The following TTC13 variants were observed in gnomAD, a reference collection of about 807,000 sequenced individuals.
TTC13 encodes the protein tetratricopeptide repeat domain 13.
Under a neutral mutation model 120.0 loss-of-function variants are expected in TTC13, and 62 were observed. The ratio of observed to expected loss-of-function variants is 0.52; its 90% CI spans 0.42 to 0.64. The LOEUF (loss-of-function observed/expected upper bound fraction) is 0.64. Among genes scored for constraint, TTC13 ranks in the 30% least tolerant of loss-of-function variants. The pLI, the probability that TTC13 is intolerant of heterozygous loss-of-function variation, is 0.00. For synonymous variants in TTC13, 384 were observed against 393.5 expected, an observed-to-expected ratio of 0.98 and a Z score of 0.28; for missense variants, 824 against 1,050.2, an observed-to-expected ratio of 0.78 and a Z score of 2.98.
intron 1 of TTC13, among the ~76,000 whole-genome samples, chr1:230,975,268 G>A (rs1291374779): frequency 2.6e-5 from 4 of 151,870 alleles, no homozygotes; most frequent in Non-Finnish European, 5.9e-5. Context: ...TAGCTACTTG[G>A]GAAGCTGAGG....
At chr1:230,907,465 G>A (rs1469562181) in intron 22 of TTC13, among the ~76,000 whole-genome samples, 7 of 152,212 alleles carry the variant, frequency 4.6e-5, no homozygotes, top group African/African-American at 1.2e-4. Context: ...GCTGTAAAGC[G>A]TTAACTGCAG....
chr1:230,961,809 T>C (rs554867965), intron 1 of TTC13, among the ~76,000 whole-genome samples: 103 of 152,232 alleles, frequency 6.8e-4, no homozygotes, highest in Non-Finnish European at 1.2e-4. Flanking sequence ...GGAACTAATA[T>C]TGTTGTTGAG....
At position 230,945,373 on chromosome 1, in the gene TTC13, A is replaced by C; in HGVS notation, c.579+16T>G. On this transcript the variant is annotated intron_variant, in intron 5 of 22. Transcript: ENST00000366661. Reference sequence around the variant, plus strand: ...TCATGTAGGCGCTATGGCAATCGTAACTATTACATACTCACATGTAGTCCC... The same window carrying C: ...TCATGTAGGCGCTATGGCAATCGTACCTATTACATACTCACATGTAGTCCC... 6.2e-7 allele frequency: 1 copy of C among 1,612,272 alleles called. No homozygotes were observed. Among genetic ancestry groups the C allele is most frequent in the Non-Finnish European group, 8.5e-7 (1 of 1,178,288 alleles).
intron 4 of TTC13, among the ~76,000 whole-genome samples, chr1:230,948,373 C>T (rs1675208166): frequency 7.9e-6 from 1 of 125,954 alleles, no homozygotes; most frequent in Non-Finnish European, 1.6e-5. Flanking sequence ...AATTTCAGGA[C>T]CCACTAAAGG....
At chr1:230,929,161 C>T (rs1673309733) in intron 11 of TTC13, 68 bp from the exon 12 acceptor site, 1 of 1,465,952 alleles carries the variant, frequency 6.8e-7, no homozygotes, top group Non-Finnish European at 9.3e-7. Context: ...GGCTAGCTGC[C>T]ATACAAATAC....
chr1:230,906,611 AT>A lies in TTC13; in HGVS notation c.*293del. 26 of 180,542 alleles carry A rather than the reference AT, an allele frequency of 1.4e-4. No homozygotes were observed. The highest frequency in any genetic ancestry group is 2.4e-4 in the Non-Finnish European group (21 of 86,838). 11.2% of individuals were successfully genotyped at this position (180,542 alleles called of 1,614,324 possible). On this transcript the variant is annotated 3_prime_UTR_variant, in exon 23 of 23. Coordinates refer to ENST00000366661, the MANE Select transcript of TTC13 (RefSeq NM_024525.5). Reference sequence around the variant, plus strand: ...TATTATATTTTAGTTGTTGAGGAAAATTTTTTTTACTGTAAGGAAGGAGTTA... The same window carrying A: ...TATTATATTTTAGTTGTTGAGGAAAATTTTTTTACTGTAAGGAAGGAGTTA...
rs1297981711 is a variant in TTC13 at position 230,940,196 on chromosome 1, T to C, written c.789+244A>G. On this transcript the variant is annotated intron_variant, in intron 7 of 22. Coordinates refer to ENST00000366661, the MANE Select transcript of TTC13 (RefSeq NM_024525.5). This position sits in a 1 kb window ranked among gnomAD's most constrained non-coding sequence, Gnocchi z 4.1. ...CACAAACTAAATTTATCTTTCTCTCTCTTTTTTTAAATGCCAGTCCAGAAT... is the reference window on the plus strand; with the variant it reads ...CACAAACTAAATTTATCTTTCTCTCCCTTTTTTTAAATGCCAGTCCAGAAT... 2.0e-5 allele frequency among the ~76,000 whole-genome samples: 3 copies of C among 152,226 alleles called. No individual in the cohort carries two copies. The highest frequency in any genetic ancestry group is 4.4e-5 in the Non-Finnish European group (3 of 68,030).
At chr1:230,956,991 C>T (rs921569454) in intron 3 of TTC13, among the ~76,000 whole-genome samples, 20 of 152,104 alleles carry the variant, frequency 1.3e-4, no homozygotes, top group Admixed American at 2.6e-4. Context: ...CTACACTACC[C>T]CAGGGTCTAC....
chr1:230,939,564 T>G (rs760906298), intron 7 of TTC13, 68 bp from the exon 8 acceptor site: 126 of 1,133,542 alleles, frequency 1.1e-4, no homozygotes, highest in Middle Eastern at 8.3e-4. Flanking sequence ...TTCCTAATTT[T>G]TGGCTGGTAG....
At chr1:230,961,347 T>G in intron 1 of TTC13, 44 bp from the exon 2 acceptor site, 1 of 1,357,596 alleles carries the variant, frequency 7.4e-7, no homozygotes, top group African/African-American at 1.4e-5. Context: ...CCTTAATTTA[T>G]GCTCTTAGGT....
intron 13 of TTC13, 146 bp downstream of exon 13, chr1:230,925,371 G>T: frequency 1.0e-6 from 1 of 991,958 alleles, no homozygotes; most frequent in Non-Finnish European, 1.5e-6. Context: ...AATTCAGTTT[G>T]AATGATTCTA....
Position 230,906,998 on chromosome 1 carries a change from A to G in TTC13, c.2490T>C (p.Thr830=). The G allele has an allele frequency of 6.6e-7, 1 of 1,526,332 alleles. No individual in the cohort carries two copies. The highest frequency in any genetic ancestry group is 8.7e-7 in the Non-Finnish European group (1 of 1,143,612). 94.5% of individuals were successfully genotyped at this position (1,526,332 alleles called of 1,614,324 possible). A position where few individuals can be genotyped will look rare whatever the true frequency, so the allele number is the denominator to read the frequency against. Residue 830 remains threonine, a synonymous_variant, in exon 23 of 23, where the codon ACT becomes ACC. Transcript: ENST00000366661. ...GAAACGTTTCTGATACTGATGGAAGAGTCTTATAAGAAGGTGAAATACTGA... is the reference window on the plus strand; with the variant it reads ...GAAACGTTTCTGATACTGATGGAAGGGTCTTATAAGAAGGTGAAATACTGA... The part of the protein sequence containing the change: ...NLKSISPSYK[T]LPSVSETFPT...
chr1:230,955,874 T>C lies in TTC13; in HGVS notation c.443-1471A>G, dbSNP rs557282355. Among the ~76,000 whole-genome samples the C allele has an allele frequency of 2.0e-4, 30 of 152,252 alleles. No individual in the cohort carries two copies. In the East Asian group the frequency reaches 3.9e-3, roughly 20 times the overall value. On this transcript the variant is annotated intron_variant, in intron 3 of 22. Coordinates refer to ENST00000366661, the MANE Select transcript of TTC13 (RefSeq NM_024525.5). ...GAAAGATAAATTAAGCCCAAATTCATGCTCAGAATGCTGACAATAGATACC... is the reference window on the plus strand; with the variant it reads ...GAAAGATAAATTAAGCCCAAATTCACGCTCAGAATGCTGACAATAGATACC...
Position 230,933,862 on chromosome 1 carries a change from C to T in TTC13, c.901-1G>A. The T allele has an allele frequency of 6.3e-7, 1 of 1,579,518 alleles. No individual in the cohort carries two copies. The highest frequency in any genetic ancestry group is 8.6e-7 in the Non-Finnish European group (1 of 1,162,288). The stretch of plus-strand genomic sequence containing the variant: ...CTTCTTTGAAGGATTCAATAGCTTC[C>T]TATAAAAAGTGTAGAGAAAATTATT... On this transcript the variant is annotated splice_acceptor_variant, in intron 8 of 22. Coordinates refer to ENST00000366661, the MANE Select transcript of TTC13 (RefSeq NM_024525.5). LOFTEE classifies it high-confidence loss of function.
chr1:230,916,261 T>G lies in TTC13; in HGVS notation c.2025A>C (p.Thr675=). 1.9e-6 allele frequency: 3 copies of G among 1,614,222 alleles called. No individual in the cohort carries two copies. The highest frequency in any genetic ancestry group is 1.7e-6 in the Non-Finnish European group (2 of 1,180,026). Residue 675 remains threonine, a synonymous_variant, in exon 18 of 23, where the codon ACA becomes ACC. Coordinates refer to ENST00000366661, the MANE Select transcript of TTC13 (RefSeq NM_024525.5). ...TKTKDGFTVN[T]KVPSLKDQGK... ...CTTGGTCTTTAAGGCTGGGAACTTT[T>G]GTGTTCACGGTGAACCCATCCTTCG...
At chr1:230,909,133 C>T in intron 20 of TTC13, 113 bp from the exon 21 acceptor site, 1 of 826,840 alleles carries the variant, frequency 1.2e-6, no homozygotes, top group Admixed American at 2.6e-5. Flanking sequence ...AAAATTCTTT[C>T]AAATAAAACA....
chr1:230,969,642 T>G (rs1404134686), intron 1 of TTC13, among the ~76,000 whole-genome samples: 1 of 152,232 alleles, frequency 6.6e-6, no homozygotes, highest in African/African-American at 2.4e-5. Context: ...GAAGGCAATG[T>G]AACAGTGGCT....
chr1:230,977,410 A>T (rs1236787614), intron 1 of TTC13, among the ~76,000 whole-genome samples: 1 of 152,206 alleles, frequency 6.6e-6, no homozygotes, highest in African/African-American at 2.4e-5. Context: ...AGAGGTAAGT[A>T]AATGCCATTC....
At chr1:230,920,750 T>C (rs1672506254) in intron 16 of TTC13, among the ~76,000 whole-genome samples, 156 bp from the exon 17 acceptor site, 1 of 152,230 alleles carries the variant, frequency 6.6e-6, no homozygotes, top group South Asian at 2.1e-4. Context: ...AATAACGGGA[T>C]AGTTCAATTC....
Sources: gnomAD v4.1 joint callset for allele counts (sites outside exome capture counted in the v4.1 genomes callset) on GRCh38, gnomAD v4.1.1 for gene constraint, Gnocchi (gnomAD v3.1) non-coding constraint, MANE v1.5 for transcripts, NCBI Gene and HGNC (gene_info 2026-07-23, HGNC 2026-07-21) for gene names.